The following WNT7B variants were observed in gnomAD, a reference collection of about 807,000 sequenced individuals.
The protein encoded by WNT7B is protein Wnt-7b.
In WNT7B, 19 loss-of-function variants were observed where a neutral mutation model predicts 38.2. The ratio of observed to expected loss-of-function variants is 0.50; its 90% CI spans 0.35 to 0.73. The LOEUF (loss-of-function observed/expected upper bound fraction) is 0.73. WNT7B is among the 30% of genes least tolerant of loss of function. The pLI, the probability that WNT7B is intolerant of heterozygous loss-of-function variation, is 0.01. For synonymous variants in WNT7B, 243 were observed against 209.3 expected (o/e 1.16, Z -1.39); for missense variants, 423 against 507.9 (o/e 0.83, Z 1.61).
At chr22:45,953,376 C>T (rs1039556553) in intron 1 of WNT7B, among the ~76,000 whole-genome samples, 2 of 152,214 alleles carry the variant, frequency 1.3e-5, no homozygotes, top group Non-Finnish European at 2.9e-5. Context: ...GTCCATGCCC[C>T]GCTTCCCCAG....
chr22:45,963,899 C>T (rs1932251765), intron 1 of WNT7B, among the ~76,000 whole-genome samples: 1 of 152,112 alleles, frequency 6.6e-6, no homozygotes, highest in Admixed American at 6.5e-5. Flanking sequence ...CCTAAAGATG[C>T]CAGAAGGAAA....
At chr22:45,936,276 C>T (rs1931511873) in intron 2 of WNT7B, 1 of 705,870 alleles carries the variant, frequency 1.4e-6, no homozygotes, top group Non-Finnish European at 1.7e-6. Flanking sequence ...GCCCTAGCTG[C>T]CAGCTCTGAG....
intron 1 of WNT7B, among the ~76,000 whole-genome samples, chr22:45,957,624 A>G (rs1285404911): frequency 1.5e-5 from 2 of 131,980 alleles, no homozygotes; most frequent in Non-Finnish European, 3.1e-5. Flanking sequence ...CGAAAGTTGC[A>G]GTGAGCCGAG....
In WNT7B at chr22:45,929,309, G is replaced by A. The variant is rs184341010; in HGVS notation, c.570+1789C>T. Among the ~76,000 whole-genome samples the A allele has an allele frequency of 3.6e-4, 55 of 152,214 alleles. No individual in the cohort carries two copies. The East Asian group carries it at 8.9e-3, about 25-fold the overall frequency. ...ACCTGGAGACTAGTGCTCACATGCTGTCTGTGAGTTCCTTGGAGGCAAAGC... is the reference window on the plus strand; with the variant it reads ...ACCTGGAGACTAGTGCTCACATGCTATCTGTGAGTTCCTTGGAGGCAAAGC... On this transcript the variant is annotated intron_variant, in intron 3 of 3. Coordinates refer to ENST00000339464, the MANE Select transcript of WNT7B (RefSeq NM_058238.3).
At chr22:45,928,225 G>A (rs1395156405) in intron 3 of WNT7B, among the ~76,000 whole-genome samples, 1 of 152,182 alleles carries the variant, frequency 6.6e-6, no homozygotes, top group Admixed American at 6.5e-5. Flanking sequence ...GGCAGGGGCA[G>A]GCCTGGTACT....
rs111679195 is a variant in WNT7B at position 45,947,288 on chromosome 22, A to T, written c.298+2632T>A. 7.9e-3 allele frequency among the ~76,000 whole-genome samples: 1,202 copies of T among 152,378 alleles called. 25 individuals are homozygous for T. The highest frequency in any genetic ancestry group is 0.026 in the African/African-American group (1,071 of 41,584). On this transcript the variant is annotated intron_variant, in intron 2 of 3. Transcript: ENST00000339464. ...TCCTGAGGCCATAAGGAGCTACTGCAGGTTTTGGAGGAAGAGCTTCTGTTT... is the reference window on the plus strand; with the variant it reads ...TCCTGAGGCCATAAGGAGCTACTGCTGGTTTTGGAGGAAGAGCTTCTGTTT...
At chr22:45,929,658 ACCCACCCG>A (rs1347807106) in intron 3 of WNT7B, among the ~76,000 whole-genome samples, 15,046 of 121,244 alleles carry the variant, frequency 0.12, 821 homozygotes, top group African/African-American at 0.17. Context: ...CCATCCTTCC[ACCCACCCG>A]CCCATCCTTC....
intron 1 of WNT7B, among the ~76,000 whole-genome samples, chr22:45,956,109 T>TC (rs1340925203): frequency 6.6e-6 from 1 of 152,144 alleles, no homozygotes; most frequent in Non-Finnish European, 1.5e-5. Context: ...AGAAGGCAAG[T>TC]CCCTGGCTGC....
At chr22:45,929,050 G>A (rs1931196532) in intron 3 of WNT7B, among the ~76,000 whole-genome samples, 2 of 152,166 alleles carry the variant, frequency 1.3e-5, no homozygotes, top group African/African-American at 4.8e-5. Flanking sequence ...TTTAAAATGG[G>A]GAGAGTGAGA....
chr22:45,944,300 C>T (rs1470347421), intron 2 of WNT7B, among the ~76,000 whole-genome samples: 5 of 152,222 alleles, frequency 3.3e-5, no homozygotes, highest in Non-Finnish European at 7.3e-5. Context: ...GGACCAGCAG[C>T]CGCCTAGCCC....
intron 2 of WNT7B, among the ~76,000 whole-genome samples, chr22:45,941,979 G>A (rs1377083669): frequency 6.6e-6 from 1 of 152,152 alleles, no homozygotes; most frequent in Admixed American, 6.5e-5. Context: ...CCTGAGGCCT[G>A]GCTGGGGAGG....
chr22:45,929,033 C>T (rs1186251226), intron 3 of WNT7B, among the ~76,000 whole-genome samples: 6 of 152,058 alleles, frequency 3.9e-5, no homozygotes, highest in Non-Finnish European at 7.4e-5. Flanking sequence ...GCCTCACTCT[C>T]CTTATCTTTA....
chr22:45,937,210 A>G (rs1931534943), intron 2 of WNT7B, among the ~76,000 whole-genome samples: 1 of 152,172 alleles, frequency 6.6e-6, no homozygotes, highest in Non-Finnish European at 1.5e-5. Context: ...GCAGCTCAGG[A>G]AATGGGGGAT....
intron 1 of WNT7B, among the ~76,000 whole-genome samples, chr22:45,954,327 A>AT (rs1932010711): frequency 2.0e-5 from 3 of 152,218 alleles, no homozygotes; most frequent in Non-Finnish European, 2.9e-5. Flanking sequence ...AAGTTCTGGA[A>AT]CTGGGGGTAG....
In WNT7B at chr22:45,923,241, C is replaced by G. The variant is rs771188383; in HGVS notation, c.665G>C (p.Arg222Pro). 6.2e-7 allele frequency: 1 copy of G among 1,613,604 alleles called. No homozygotes were observed. The highest frequency in any genetic ancestry group is 1.7e-5 in the Admixed American group (1 of 60,028). The change falls in exon 4 of 4, where the codon CGA becomes CCA. Residue 222 changes from arginine (R) to proline (P), a missense_variant. Physicochemically the swap from Arg to Pro is moderately radical, Grantham distance 103. This residue lies in a region of WNT7B where 158 missense variants were observed against 214.7 expected (regional missense o/e 0.74). Coordinates refer to ENST00000339464, the MANE Select transcript of WNT7B (RefSeq NM_058238.3). ...KTCWTTLPKF[R>P]EVGHLLKEKY... The stretch of plus-strand genomic sequence containing the variant: ...CTCCTTCAGCAGGTGGCCCACCTCT[C>G]GGAACTTGGGCAGCGTGGTCCAGCA...
chr22:45,941,203 G>T (rs184352241), intron 2 of WNT7B, among the ~76,000 whole-genome samples: 266 of 152,314 alleles, frequency 1.7e-3, no homozygotes, highest in Non-Finnish European at 3.0e-3. Flanking sequence ...GGGTGAGGGG[G>T]TTTAGGGAGG....
intron 2 of WNT7B, among the ~76,000 whole-genome samples, chr22:45,938,425 T>C (rs766195665): frequency 5.1e-4 from 77 of 151,832 alleles, no homozygotes; most frequent in Non-Finnish European, 6.3e-4. Context: ...TCACCTGAGG[T>C]CAGGAGTTCA....
rs1274094047 is a variant in WNT7B at position 45,922,824 on chromosome 22, C to G, written c.*32G>C. Reference sequence around the variant, plus strand: ...GGATGTGCAAAATGCCGCCGGGTTCCAGGGTGCCCGCGGCCGCCTCCGGGC... The same window carrying G: ...GGATGTGCAAAATGCCGCCGGGTTCGAGGGTGCCCGCGGCCGCCTCCGGGC... On this transcript the variant is annotated 3_prime_UTR_variant, in exon 4 of 4. Transcript: ENST00000339464. 6.4e-7 allele frequency: 1 copy of G among 1,569,538 alleles called. No homozygotes were observed. Among genetic ancestry groups the G allele is most frequent in the South Asian group, 1.2e-5 (1 of 84,772 alleles).
chr22:45,952,034 G>A (rs1160741787), intron 1 of WNT7B, among the ~76,000 whole-genome samples: 2 of 152,218 alleles, frequency 1.3e-5, no homozygotes, highest in Non-Finnish European at 2.9e-5. Flanking sequence ...GCTGGTTTCA[G>A]GCAGACCCGC....
Sources: allele counts gnomAD v4.1 joint callset (sites outside exome capture counted in the v4.1 genomes callset), GRCh38; gene constraint gnomAD v4.1.1; regional missense constraint gnomAD v4.1.1; transcripts MANE v1.5; gene names NCBI Gene and HGNC (gene_info 2026-07-23, HGNC 2026-07-21).